Variants in YAF2 observed in about 807,000 individuals in gnomAD.
The protein encoded by YAF2 is YY1 associated factor 2.
YAF2 carries 7 observed loss-of-function variants against 20.1 expected under a neutral mutation model. That is an observed-to-expected ratio of 0.35 (90% CI 0.20 to 0.65). YAF2 has a LOEUF of 0.65. Among genes scored for constraint, YAF2 ranks in the 30% least tolerant of loss-of-function variants. The pLI is 0.69. For synonymous variants in YAF2, 74 were observed against 76.0 expected (o/e 0.97, Z 0.14); for missense variants, 151 against 219.2 (o/e 0.69, Z 1.96).
chr12:42,183,668 G>GA (rs2066400963), intron 2 of YAF2, among the ~76,000 whole-genome samples: 1 of 152,118 alleles, frequency 6.6e-6, no homozygotes, highest in Non-Finnish European at 1.5e-5. Flanking sequence ...ACCTTCACAT[G>GA]AAAAAATTAC....
At chr12:42,224,089 A>G (rs924908757) in intron 2 of YAF2, among the ~76,000 whole-genome samples, 1 of 152,196 alleles carries the variant, frequency 6.6e-6, no homozygotes, top group African/African-American at 2.4e-5. Context: ...CTGATTTCAT[A>G]TAAGCACAGC....
intron 2 of YAF2, chr12:42,232,188 T>G (rs1210982811): frequency 6.5e-6 from 1 of 153,214 alleles, no homozygotes; most frequent in African/African-American, 2.4e-5. Context: ...ACTGCATGCA[T>G]GTACATGGTG....
intron 2 of YAF2, among the ~76,000 whole-genome samples, chr12:42,184,817 T>C (rs775217665): frequency 2.0e-5 from 3 of 152,184 alleles, no homozygotes; most frequent in Non-Finnish European, 4.4e-5. Flanking sequence ...CCAATTATCA[T>C]GGATGACTGA....
chr12:42,199,047 T>TTGTTTG, intron 2 of YAF2: 1 of 658,598 alleles, frequency 1.5e-6, no homozygotes. Context: ...TTTTGTTGAA[T>TTGTTTG]TTAATATTGT....
intron 2 of YAF2, chr12:42,199,028 T>G (rs1037154240): frequency 1.1e-4 from 57 of 533,804 alleles, no homozygotes; most frequent in Non-Finnish European, 1.5e-4. Context: ...CATGTGACTA[T>G]TTTAACATTT....
At chr12:42,235,398 T>G in intron 2 of YAF2, 1 of 1,034,130 alleles carries the variant, frequency 9.7e-7, no homozygotes, top group Non-Finnish European at 1.2e-6. Context: ...ATTAATATTC[T>G]GTGATGCAAT....
intron 2 of YAF2, among the ~76,000 whole-genome samples, chr12:42,174,522 T>C (rs1237600485): frequency 1.3e-5 from 2 of 152,230 alleles, no homozygotes; most frequent in East Asian, 1.9e-4. Context: ...ACTGAGTCTT[T>C]GGATACCTCT....
At chr12:42,203,429 CT>C (rs1408249446) in intron 2 of YAF2, among the ~76,000 whole-genome samples, 1 of 151,782 alleles carries the variant, frequency 6.6e-6, no homozygotes, top group East Asian at 1.9e-4. Context: ...GATTTTCTTT[CT>C]TTTTTGCGTA....
At chr12:42,218,185 AACACACACACACACACAC>A (rs71883885) in intron 2 of YAF2, among the ~76,000 whole-genome samples, 13 of 140,608 alleles carry the variant, frequency 9.2e-5, no homozygotes, top group African/African-American at 2.9e-4. Context: ...GCTACTAGGA[AACACACACACACACACAC>A]ACACACACAC....
chr12:42,200,642 C>A (rs957914797), intron 2 of YAF2, among the ~76,000 whole-genome samples: 2 of 152,208 alleles, frequency 1.3e-5, no homozygotes, highest in African/African-American at 2.4e-5. Context: ...AGTTTCCTTT[C>A]ACCATCATCA....
intron 2 of YAF2, among the ~76,000 whole-genome samples, chr12:42,226,595 T>G (rs1187371215): frequency 6.6e-6 from 1 of 151,938 alleles, no homozygotes; most frequent in Non-Finnish European, 1.5e-5. Context: ...ACCTGGGAGG[T>G]TGAGGCTGCA....
At chr12:42,213,829 G>A (rs2067278535) in intron 2 of YAF2, among the ~76,000 whole-genome samples, 1 of 152,070 alleles carries the variant, frequency 6.6e-6, no homozygotes, top group South Asian at 2.1e-4. Flanking sequence ...TAACAGTAAG[G>A]TACAAACTCA....
chr12:42,236,099 A>G, intron 2 of YAF2: 1 of 1,414,006 alleles, frequency 7.1e-7, no homozygotes, highest in Non-Finnish European at 9.4e-7. Context: ...AGTACCAGAG[A>G]TCAAGATTAT....
intron 2 of YAF2, among the ~76,000 whole-genome samples, chr12:42,198,565 A>G (rs2066815299): frequency 6.6e-6 from 1 of 152,278 alleles, no homozygotes; most frequent in South Asian, 2.1e-4. Context: ...CAGCCTGGGC[A>G]ATACAGCGAG....
rs556159844 is a variant in YAF2 at position 42,193,826 on chromosome 12, G to T, written c.153-32061C>A. On this transcript the variant is annotated intron_variant, in intron 2 of 3. Transcript: ENST00000534854. ...ACCAGCCATTGTTATCACAGCAGAT[G>T]ACGGCTCCATGCATGTTATTACTCC... Among the ~76,000 whole-genome samples the T allele has an allele frequency of 5.9e-5, 9 of 152,262 alleles. No individual in the cohort carries two copies. The East Asian group carries it at 1.7e-3, about 29-fold the overall frequency.
At chr12:42,202,636 A>G (rs1300595562) in intron 2 of YAF2, among the ~76,000 whole-genome samples, 1 of 152,144 alleles carries the variant, frequency 6.6e-6, no homozygotes, top group Non-Finnish European at 1.5e-5. Context: ...TAAATAGCAT[A>G]ACTTTTATTT....
intron 2 of YAF2, among the ~76,000 whole-genome samples, chr12:42,176,153 G>A (rs2066184830): frequency 2.0e-5 from 3 of 151,562 alleles, no homozygotes; most frequent in Non-Finnish European, 4.4e-5. Context: ...GGCTGAGGCA[G>A]GAGAATCACT....
intron 2 of YAF2, chr12:42,235,130 T>C: frequency 2.0e-6 from 2 of 986,946 alleles, no homozygotes; most frequent in African/African-American, 3.5e-5. Flanking sequence ...CAGAATCAGT[T>C]CAAAGGTCAG....
intron 2 of YAF2, among the ~76,000 whole-genome samples, chr12:42,208,559 T>A (rs2067117934): frequency 1.3e-5 from 2 of 152,312 alleles, no homozygotes; most frequent in South Asian, 4.1e-4. Context: ...TTAAGATCAA[T>A]CTATAGCCAA....
Sources: allele counts gnomAD v4.1 joint callset (sites outside exome capture counted in the v4.1 genomes callset), GRCh38; gene constraint gnomAD v4.1.1; transcripts MANE v1.5; gene names NCBI Gene and HGNC (gene_info 2026-07-23, HGNC 2026-07-21).